The following FAIM2 variants were observed in gnomAD, a reference collection of about 807,000 sequenced individuals.
FAIM2 encodes the protein protein lifeguard 2.
FAIM2 carries 27 observed loss-of-function variants against 47.4 expected under a neutral mutation model. The observed-to-expected ratio is 0.57, with a 90% CI of 0.42 to 0.78. FAIM2 has a LOEUF of 0.78. Among genes scored for constraint, FAIM2 ranks in the 30% least tolerant of loss-of-function variants. The pLI, the probability that FAIM2 is intolerant of heterozygous loss-of-function variation, is 0.00. For missense variants in FAIM2, 311 were observed against 389.4 expected (o/e 0.80, Z 1.69); for synonymous variants, 156 against 159.3 (o/e 0.98, Z 0.16).
chr12:49,870,514 T>C lies in FAIM2; in HGVS notation c.941A>G (p.Asn314Ser). ...GGCAGGGAGGGCTCCTCATTCTCGG[T>C]TAGTGCCAAAAAGCTGCAGGAAGAA... is the stretch of plus-strand genomic sequence containing the variant. ...FTFFLQLFGTNRE is the reference protein window; with the variant it reads ...FTFFLQLFGTSRE Residue 314 changes from asparagine to serine, a missense_variant, in exon 12 of 12, where the codon AAC becomes AGC. Coordinates refer to ENST00000320634, the MANE Select transcript of FAIM2 (RefSeq NM_012306.4). 1.2e-6 allele frequency: 2 copies of C among 1,613,744 alleles called. No individual in the cohort carries two copies. The highest frequency in any genetic ancestry group is 1.7e-6 in the Non-Finnish European group (2 of 1,179,804).
At chr12:49,872,432 T>C (rs76331194) in intron 11 of FAIM2, among the ~76,000 whole-genome samples, 1,651 of 152,302 alleles carry the variant, frequency 0.011, 29 homozygotes, top group African/African-American at 0.036. Context: ...GGATTGGGGC[T>C]TGCCCTTGCA....
intron 5 of FAIM2, among the ~76,000 whole-genome samples, chr12:49,891,933 G>A (rs2137100556): frequency 6.6e-6 from 1 of 152,186 alleles, no homozygotes; most frequent in Middle Eastern, 3.4e-3. Flanking sequence ...GGGACCCAAG[G>A]GTGGAGCTCG....
At chr12:49,878,386 ATATG>A (rs1235873350) in intron 11 of FAIM2, among the ~76,000 whole-genome samples, 2 of 26,094 alleles carry the variant, frequency 7.7e-5, no homozygotes, top group Non-Finnish European at 1.4e-4. Flanking sequence ...GCATGTGTGT[ATATG>A]TGTGTGTCTG....
At chr12:49,889,381 C>T (rs1402293727) in intron 9 of FAIM2, 100 bp downstream of exon 9, 10 of 1,175,852 alleles carry the variant, frequency 8.5e-6, no homozygotes, top group African/African-American at 1.5e-5. Context: ...CTTTACTTCT[C>T]TCCCCAGCCC....
chr12:49,901,521 G>A, intron 1 of FAIM2, 196 bp from the exon 2 acceptor site: 1 of 491,370 alleles, frequency 2.0e-6, no homozygotes, highest in Non-Finnish European at 3.5e-6. Context: ...GAGCTAGCTG[G>A]GGCACATGGT....
chr12:49,883,587 T>C (rs1350836956), intron 11 of FAIM2, among the ~76,000 whole-genome samples: 1 of 152,114 alleles, frequency 6.6e-6, no homozygotes, highest in Non-Finnish European at 1.5e-5. Context: ...CCGGAAATTC[T>C]AGTCTAGAAT....
At chr12:49,896,916 C>T in intron 5 of FAIM2, 115 bp downstream of exon 5, 1 of 846,476 alleles carries the variant, frequency 1.2e-6, no homozygotes, top group Non-Finnish European at 2.0e-6. Context: ...GAGGACAGTC[C>T]CTGTGGGGCT....
intron 1 of FAIM2, 57 bp downstream of exon 1, chr12:49,903,721 A>T (rs1370326362): frequency 6.5e-7 from 1 of 1,549,434 alleles, no homozygotes; most frequent in Non-Finnish European, 8.7e-7. Context: ...GCTGAGGATG[A>T]CAGGGAGCCG....
At chr12:49,895,440 G>A (rs632151) in intron 5 of FAIM2, among the ~76,000 whole-genome samples, 12,642 of 152,152 alleles carry the variant, frequency 0.083, 717 homozygotes, top group Middle Eastern at 0.13. Context: ...CCCTCCTCCA[G>A]AAGGCTCAGA....
chr12:49,882,203 A>T (rs1946830671), intron 11 of FAIM2, among the ~76,000 whole-genome samples: 2 of 152,192 alleles, frequency 1.3e-5, no homozygotes, highest in African/African-American at 4.8e-5. Flanking sequence ...CACTGTGCTG[A>T]GAATTCCCCA....
At chr12:49,871,127 C>T (rs930582824) in intron 11 of FAIM2, among the ~76,000 whole-genome samples, 3 of 152,152 alleles carry the variant, frequency 2.0e-5, no homozygotes, top group East Asian at 1.9e-4. Flanking sequence ...AAGCAGGGCC[C>T]GGGCACTTGT....
At chr12:49,878,591 T>TGC (rs1565613347) in intron 11 of FAIM2, among the ~76,000 whole-genome samples, 4 of 108,498 alleles carry the variant, frequency 3.7e-5, no homozygotes, top group African/African-American at 1.3e-4. Context: ...TGTACATGTG[T>TGC]ATGTGTATGT....
Position 49,903,899 on chromosome 12 carries a change from C to T in FAIM2, c.-107G>A, listed in dbSNP as rs1467623484. ...TCCGCGTGGGTTCTAGCAACATCCACTGCAGCCGGGCCAGGCGAGCCGGCG... is the reference window on the plus strand; with the variant it reads ...TCCGCGTGGGTTCTAGCAACATCCATTGCAGCCGGGCCAGGCGAGCCGGCG... On this transcript the variant is annotated 5_prime_UTR_variant, in exon 1 of 12. It adds an upstream start codon to the 5' untranslated region. Coordinates refer to ENST00000320634, the MANE Select transcript of FAIM2 (RefSeq NM_012306.4). 8.3e-7 allele frequency: 1 copy of T among 1,207,610 alleles called. No individual in the cohort carries two copies. Among genetic ancestry groups the T allele is most frequent in the African/African-American group, 1.6e-5 (1 of 63,776 alleles). The allele number at this position is 1,207,610 out of a possible 1,614,324, so 74.8% of individuals were successfully genotyped here.
At chr12:49,876,140 T>C (rs935274954) in intron 11 of FAIM2, among the ~76,000 whole-genome samples, 3 of 152,106 alleles carry the variant, frequency 2.0e-5, no homozygotes, top group African/African-American at 7.2e-5. Context: ...CAGACCTGGG[T>C]TCAAATCTTG....
At chr12:49,883,898 T>G (rs1331330180) in intron 11 of FAIM2, among the ~76,000 whole-genome samples, 1 of 152,096 alleles carries the variant, frequency 6.6e-6, no homozygotes, top group Admixed American at 6.5e-5. Flanking sequence ...AGAGGTCCCT[T>G]TGACCTGGAT....
At chr12:49,872,869 CA>C (rs1367148219) in intron 11 of FAIM2, among the ~76,000 whole-genome samples, 1 of 152,190 alleles carries the variant, frequency 6.6e-6, no homozygotes, top group African/African-American at 2.4e-5. Flanking sequence ...TGAGATAATG[CA>C]TGCAAGGGGC....
chr12:49,888,929 C>T (rs563811903), intron 10 of FAIM2, among the ~76,000 whole-genome samples, 178 bp downstream of exon 10: 27 of 152,326 alleles, frequency 1.8e-4, no homozygotes, highest in Non-Finnish European at 3.8e-4. Context: ...AGAAAAGCCT[C>T]CTTGTTTGCT....
chr12:49,892,627 AC>A (rs1169112300), intron 5 of FAIM2, among the ~76,000 whole-genome samples: 1 of 151,278 alleles, frequency 6.6e-6, no homozygotes, highest in Admixed American at 6.6e-5. Flanking sequence ...TACCTCCCTC[AC>A]CACTCCTCGG....
intron 2 of FAIM2, among the ~76,000 whole-genome samples, chr12:49,899,840 C>G (rs137959693): frequency 1.3e-5 from 2 of 152,230 alleles, no homozygotes; most frequent in Non-Finnish European, 2.9e-5. Flanking sequence ...AGACGCGAAC[C>G]CTGTGCCCTG....
Sources: gnomAD v4.1 joint callset for allele counts (sites outside exome capture counted in the v4.1 genomes callset) on GRCh38, gnomAD v4.1.1 for gene constraint, MANE v1.5 for transcripts, NCBI Gene and HGNC (gene_info 2026-07-23, HGNC 2026-07-21) for gene names.